Variants in ITGA1 observed in about 807,000 individuals in gnomAD.
The protein encoded by ITGA1 is integrin subunit alpha 1.
Under a neutral mutation model 145.9 loss-of-function variants are expected in ITGA1, and 85 were observed. The observed-to-expected ratio is 0.58, with a 90% CI of 0.49 to 0.70. The LOEUF is 0.70. Ranked by LOEUF, ITGA1 falls within the 30% of genes least tolerant of loss-of-function variation. ITGA1 has a pLI of 0.00. For synonymous variants in ITGA1, 520 were observed against 495.3 expected (o/e 1.05, Z -0.66); for missense variants, 1,351 against 1,418.7 (o/e 0.95, Z 0.77).
At chr5:52,791,383 G>A (rs1037221290) in intron 1 of ITGA1, among the ~76,000 whole-genome samples, 2 of 152,158 alleles carry the variant, frequency 1.3e-5, no homozygotes, top group Non-Finnish European at 2.9e-5. Flanking sequence ...ATGAACTCTA[G>A]TTATGGGAGG....
At position 52,950,987 on chromosome 5, in the gene ITGA1, G is replaced by C. The variant is rs576024361; in HGVS notation, c.3496-1420G>C. On this transcript the variant is annotated intron_variant, in intron 28 of 28. Transcript: ENST00000282588. ...TGTAGGAGAGCTGGCATTTGGGGAA[G>C]AAAAACTTATTGTTTTCATGTGTAT... is the stretch of plus-strand genomic sequence containing the variant. Among the ~76,000 whole-genome samples the C allele has an allele frequency of 7.9e-4, 120 of 152,192 alleles. 1 individual carries two copies. Among genetic ancestry groups the C allele is most frequent in the African/African-American group, 2.7e-3 (111 of 41,548 alleles).
In ITGA1 at chr5:52,910,536, C is replaced by T. The variant is rs1017824945; in HGVS notation, c.1857+117C>T. ...TCTTCCTCCTGACCTTATTGGGAAA[C>T]TGGATTTAATTCTCTTTAAGTGTTT... On this transcript the variant is annotated intron_variant, in intron 14 of 28. Coordinates refer to ENST00000282588, the MANE Select transcript of ITGA1 (RefSeq NM_181501.2). The T allele has an allele frequency of 1.1e-5, 12 of 1,117,694 alleles. No individual in the cohort carries two copies. The African/African-American group carries it at 1.4e-4, about 13-fold the overall frequency. The allele number at this position is 1,117,694 out of a possible 1,614,324, so 69.2% of individuals were successfully genotyped here.
At chr5:52,835,969 C>T (rs986659478) in intron 1 of ITGA1, among the ~76,000 whole-genome samples, 1 of 152,164 alleles carries the variant, frequency 6.6e-6, no homozygotes, top group African/African-American at 2.4e-5. Context: ...AACACCTTGG[C>T]ATTTCTTTCT....
intron 3 of ITGA1, 95 bp from the exon 4 acceptor site, chr5:52,864,668 T>A: frequency 1.4e-6 from 1 of 725,012 alleles, no homozygotes; most frequent in Admixed American, 2.5e-5. Flanking sequence ...TGTGCTATGA[T>A]ATGAGCAAAA....
chr5:52,898,121 T>C, intron 10 of ITGA1, 118 bp from the exon 11 acceptor site: 1 of 554,312 alleles, frequency 1.8e-6, no homozygotes, highest in Non-Finnish European at 2.8e-6. Context: ...GAGGATTATA[T>C]AAGCTAACAA....
At chr5:52,846,235 C>T (rs6862272) in intron 1 of ITGA1, among the ~76,000 whole-genome samples, 85,391 of 151,876 alleles carry the variant, frequency 0.56, 25,791 homozygotes, top group African/African-American at 0.79. Context: ...ACTCAGTCTC[C>T]ACTAAAAATA....
chr5:52,846,611 A>G (rs983516918), intron 1 of ITGA1, among the ~76,000 whole-genome samples: 1 of 152,226 alleles, frequency 6.6e-6, no homozygotes, highest in African/African-American at 2.4e-5. Flanking sequence ...AAAGACTATT[A>G]TGCAGAAGAT....
At position 52,909,067 on chromosome 5, in the gene ITGA1, A is replaced by G. The variant is rs748822200; in HGVS notation, c.1599+26A>G. The G allele has an allele frequency of 1.9e-5, 30 of 1,588,160 alleles. No homozygotes were observed. In the African/African-American group the frequency reaches 3.9e-4, roughly 21 times the overall value. On this transcript the variant is annotated intron_variant, in intron 13 of 28. Coordinates refer to ENST00000282588, the MANE Select transcript of ITGA1 (RefSeq NM_181501.2). Reference sequence around the variant, plus strand: ...GTAATGGTGTCTGAGTTTGGTAGAAATCCAGGAAAATCTCTTCCTTCTCTT... The same window carrying G: ...GTAATGGTGTCTGAGTTTGGTAGAAGTCCAGGAAAATCTCTTCCTTCTCTT...
chr5:52,910,205 C>A lies in ITGA1; in HGVS notation c.1643C>A (p.Thr548Lys). 6.2e-7 allele frequency: 1 copy of A among 1,613,468 alleles called. No homozygotes were observed. The highest frequency in any genetic ancestry group is 8.5e-7 in the Non-Finnish European group (1 of 1,179,488). The change falls in exon 14 of 29, where the codon ACG becomes AAG. Residue 548 changes from threonine (T) to lysine (K), a missense_variant. Physicochemically the swap from Thr to Lys is moderately conservative, Grantham distance 78. Coordinates refer to ENST00000282588, the MANE Select transcript of ITGA1 (RefSeq NM_181501.2). Reference sequence around the variant, plus strand: ...ATGAGCCTGGAACCTATTAAGCAGACGTGCTGTTCATCTCGGCAGCACAAT... The same window carrying A: ...ATGAGCCTGGAACCTATTAAGCAGAAGTGCTGTTCATCTCGGCAGCACAAT... ...YQMSLEPIKQ[T>K]CCSSRQHNSC...
intron 6 of ITGA1, among the ~76,000 whole-genome samples, chr5:52,875,609 C>T (rs1237375842): frequency 6.6e-6 from 1 of 152,180 alleles, no homozygotes; most frequent in African/African-American, 2.4e-5. Context: ...TCCTTATCCC[C>T]CGTGATATTA....
chr5:52,895,007 A>G (rs533263662), intron 9 of ITGA1, among the ~76,000 whole-genome samples: 7 of 152,154 alleles, frequency 4.6e-5, no homozygotes, highest in African/African-American at 1.4e-4. Context: ...AAATATATAC[A>G]TATAAAAATA....
Position 52,893,674 on chromosome 5 carries a change from G to A in ITGA1, c.925-1G>A, listed in dbSNP as rs1332618830. On this transcript the variant is annotated splice_acceptor_variant, in intron 8 of 28. Transcript: ENST00000282588. LOFTEE classifies it high-confidence loss of function. ...TTCTTGCTGTTTCTGTTGTGTCTTA[G>A]ATTCTTGGCAGCTATAACCGAGGAA... is the stretch of plus-strand genomic sequence containing the variant. The A allele has an allele frequency of 6.2e-7, 1 of 1,609,584 alleles. No homozygotes were observed. The highest frequency in any genetic ancestry group is 8.5e-7 in the Non-Finnish European group (1 of 1,177,812).
At chr5:52,851,524 A>G (rs1019649404) in intron 2 of ITGA1, among the ~76,000 whole-genome samples, 1 of 152,222 alleles carries the variant, frequency 6.6e-6, no homozygotes, top group African/African-American at 2.4e-5. Flanking sequence ...AGGTTATTCT[A>G]TCTTTGTAGA....
At position 52,898,319 on chromosome 5, in the gene ITGA1, C is replaced by T. The variant is rs771328983; in HGVS notation, c.1245C>T (p.Ile415=). The T allele has an allele frequency of 4.3e-6, 7 of 1,611,370 alleles. No homozygotes were observed. Among genetic ancestry groups the T allele is most frequent in the East Asian group, 2.2e-5 (1 of 44,814 alleles). The part of the protein sequence containing the change: ...VVMQKASQII[I]PRNTTFNVES... Reference sequence around the variant, plus strand: ...TGCAGAAGGCTAGTCAAATCATAATCCCTCGAAACACAACCTTTAATGTTG... The same window carrying T: ...TGCAGAAGGCTAGTCAAATCATAATTCCTCGAAACACAACCTTTAATGTTG... The change falls in exon 11 of 29, where the codon ATC becomes ATT. Residue 415 remains isoleucine, a synonymous_variant. Coordinates refer to ENST00000282588, the MANE Select transcript of ITGA1 (RefSeq NM_181501.2).
chr5:52,914,269 T>G (rs1040175568), intron 14 of ITGA1, among the ~76,000 whole-genome samples: 1 of 152,180 alleles, frequency 6.6e-6, no homozygotes, highest in Non-Finnish European at 1.5e-5. Flanking sequence ...ATGCTGCTTA[T>G]GTATGGGATA....
chr5:52,945,075 C>T (rs1195823477), intron 27 of ITGA1, 40 bp downstream of exon 27: 2 of 1,424,034 alleles, frequency 1.4e-6, no homozygotes, highest in Non-Finnish European at 2.0e-6. Context: ...ATGCATTTCA[C>T]TCTGAATTTT....
intron 2 of ITGA1, among the ~76,000 whole-genome samples, chr5:52,853,926 C>T (rs890411015): frequency 2.6e-5 from 4 of 152,178 alleles, no homozygotes; most frequent in African/African-American, 9.6e-5. Context: ...TGGTAAACAT[C>T]AGCATGGCCA....
rs1750210626 is a variant in ITGA1 at position 52,895,487 on chromosome 5, G to A, written c.1090+1647G>A. The stretch of plus-strand genomic sequence containing the variant: ...GTACTTTTAATTTTTAATAACATGG[G>A]CTAAGATATGATAGAAACAATCTGT... On this transcript the variant is annotated intron_variant, in intron 9 of 28. Coordinates refer to ENST00000282588, the MANE Select transcript of ITGA1 (RefSeq NM_181501.2). 2.0e-5 allele frequency among the ~76,000 whole-genome samples: 3 copies of A among 152,104 alleles called. No homozygotes were observed. The South Asian group carries it at 6.2e-4, about 32-fold the overall frequency.
chr5:52,938,658 G>C (rs1751007681), intron 24 of ITGA1, among the ~76,000 whole-genome samples: 1 of 152,100 alleles, frequency 6.6e-6, no homozygotes, highest in Admixed American at 6.5e-5. Context: ...TGACAGTACT[G>C]GGGAAGCAAA....
Sources: allele counts gnomAD v4.1 joint callset (sites outside exome capture counted in the v4.1 genomes callset), GRCh38; gene constraint gnomAD v4.1.1; transcripts MANE v1.5; gene names NCBI Gene and HGNC (gene_info 2026-07-23, HGNC 2026-07-21).